The following ABCC11 variants were observed in gnomAD, a reference collection of about 807,000 sequenced individuals.
The protein encoded by ABCC11 is ATP-binding cassette sub-family C member 11.
In ABCC11, 135 loss-of-function variants were observed where a neutral mutation model predicts 149.3. The ratio of observed to expected loss-of-function variants is 0.90; its 90% confidence interval spans 0.79 to 1.04. The LOEUF is 1.04. Among genes scored for constraint, ABCC11 ranks in the 50% least tolerant of loss-of-function variants. The pLI, the probability that ABCC11 is intolerant of heterozygous loss-of-function variation, is 0.00. For synonymous variants in ABCC11, 665 were observed against 671.4 expected (o/e 0.99, Z 0.15); for missense variants, 1,680 against 1,722.1 (o/e 0.98, Z 0.43).
intron 2 of ABCC11, among the ~76,000 whole-genome samples, chr16:48,231,292 G>A (rs1970400524): frequency 1.3e-5 from 2 of 152,204 alleles, no homozygotes; most frequent in Non-Finnish European, 1.5e-5. Context: ...TATGCATAGA[G>A]ATATGCATAA....
At chr16:48,238,603 CA>C (rs111614375) in intron 1 of ABCC11, among the ~76,000 whole-genome samples, 19,776 of 145,862 alleles carry the variant, frequency 0.14, 1,601 homozygotes, top group African/African-American at 0.24. Context: ...ACAATTCAAG[CA>C]AAAAAAAACA....
At chr16:48,194,092 C>T (rs1437288121) in intron 18 of ABCC11, 110 bp from the exon 19 acceptor site, 1 of 741,464 alleles carries the variant, frequency 1.3e-6, no homozygotes, top group Non-Finnish European at 2.3e-6. Flanking sequence ...CCCTTGAGCC[C>T]CACCCAATGT....
intron 5 of ABCC11, chr16:48,223,449 G>A (rs1340369297): frequency 6.5e-6 from 1 of 154,748 alleles, no homozygotes; most frequent in Non-Finnish European, 1.4e-5. Flanking sequence ...TAGGGGCACA[G>A]GGCAGGATGG....
intron 24 of ABCC11, among the ~76,000 whole-genome samples, chr16:48,177,375 G>T (rs529830356): frequency 1.3e-5 from 2 of 152,362 alleles, no homozygotes; most frequent in South Asian, 2.1e-4. Context: ...CTGATTTACT[G>T]TGTGACTTTA....
intron 17 of ABCC11, among the ~76,000 whole-genome samples, 178 bp from the exon 18 acceptor site, chr16:48,196,499 A>G (rs1183482885): frequency 1.3e-5 from 2 of 152,178 alleles, no homozygotes; most frequent in Non-Finnish European, 2.9e-5. Flanking sequence ...TGGGCTCCAG[A>G]GCCTGGAAAG....
intron 1 of ABCC11, chr16:48,244,234 C>G (rs1971194247): frequency 1.7e-6 from 1 of 572,942 alleles, no homozygotes; most frequent in South Asian, 2.2e-5. Flanking sequence ...GAGAGCAGCG[C>G]GAAGCCATGG....
chr16:48,197,711 A>G (rs991795852), intron 17 of ABCC11, among the ~76,000 whole-genome samples: 2 of 152,008 alleles, frequency 1.3e-5, no homozygotes, highest in African/African-American at 4.8e-5. Context: ...AGCCAAAGGT[A>G]CCCCCTATCC....
At chr16:48,193,474 G>C (rs981361690) in intron 19 of ABCC11, among the ~76,000 whole-genome samples, 2 of 152,130 alleles carry the variant, frequency 1.3e-5, no homozygotes, top group Non-Finnish European at 2.9e-5. Flanking sequence ...AATGTGGGTG[G>C]GGAGATTAGT....
At chr16:48,202,359 G>A (rs1006934193) in intron 14 of ABCC11, among the ~76,000 whole-genome samples, 7 of 152,062 alleles carry the variant, frequency 4.6e-5, no homozygotes, top group East Asian at 1.9e-4. Flanking sequence ...GCCTGTAATC[G>A]CAGCACTTTG....
rs1368874366 is a variant in ABCC11, at chr16:48,224,310, C to A, written c.515G>T (p.Cys172Phe). 1.9e-6 allele frequency: 3 copies of A among 1,614,048 alleles called. No homozygotes were observed. In the African/African-American group the frequency reaches 4.0e-5, roughly 22 times the overall value. ...RLIFDALLGI[C>F]FCIASVLGPI... ...CCCGAGTACACTGGCAATGCAGAAG[C>A]AGATGCCCAGAAGTGCATCGAAAAT... Residue 172 changes from cysteine (C) to phenylalanine (F), a missense_variant, in exon 5 of 30, where the codon TGC becomes TTC. Physicochemically the swap from Cys to Phe is radical, Grantham distance 205 (BLOSUM62 -2). Coordinates refer to ENST00000356608, the MANE Select transcript of ABCC11 (RefSeq NM_001370497.1).
intron 23 of ABCC11, 138 bp downstream of exon 23, chr16:48,184,302 G>T: frequency 4.7e-6 from 5 of 1,057,054 alleles, no homozygotes; most frequent in Non-Finnish European, 6.7e-6. Context: ...AGAAGGCCAA[G>T]CACATAGCTC....
intron 28 of ABCC11, among the ~76,000 whole-genome samples, chr16:48,168,859 G>T (rs1965506982): frequency 6.6e-6 from 1 of 152,130 alleles, no homozygotes; most frequent in African/African-American, 2.4e-5. Flanking sequence ...ATGGACACAG[G>T]GAGGGGAACA....
chr16:48,227,935 G>C lies in ABCC11; in HGVS notation c.266C>G (p.Ala89Gly), dbSNP rs1189458524. 14 of 1,613,794 alleles carry C rather than the reference G, an allele frequency of 8.7e-6. No homozygotes were observed. Among genetic ancestry groups the C allele is most frequent in the Non-Finnish European group, 1.1e-5 (13 of 1,179,930 alleles). The change falls in exon 4 of 30, where the codon GCT becomes GGT. Residue 89 changes from alanine (A) to glycine (G), a missense_variant. By Grantham distance (60) the Ala-to-Gly change is moderately conservative (BLOSUM62 0). Transcript: ENST00000356608. ...RFPAPQPLDN[A>G]GLFSYLTVSW... ...CACGGTGAGGTAGGAGAACAGGCCA[G>C]CATTGTCCAGGGGCTGGGGGGCAGG...
chr16:48,216,671 A>T (rs189962142), intron 6 of ABCC11, among the ~76,000 whole-genome samples: 22 of 152,358 alleles, frequency 1.4e-4, no homozygotes, highest in Admixed American at 3.9e-4. Flanking sequence ...TAAAGAAACC[A>T]GTAACTAACA....
chr16:48,171,244 G>T (rs543320414), intron 26 of ABCC11, among the ~76,000 whole-genome samples: 1 of 152,324 alleles, frequency 6.6e-6, no homozygotes, highest in South Asian at 2.1e-4. Flanking sequence ...GGAGCAAAGG[G>T]CTCAAGGATA....
chr16:48,239,146 A>G (rs2150936564), intron 1 of ABCC11, among the ~76,000 whole-genome samples: 1 of 152,270 alleles, frequency 6.6e-6, no homozygotes, highest in Non-Finnish European at 1.5e-5. Context: ...AGGATTCCCA[A>G]TTTAATAAAT....
In ABCC11 at chr16:48,230,425, A is replaced by G. The variant is rs201926817; in HGVS notation, c.236+12T>C. 274 of 1,596,004 alleles carry G rather than the reference A, an allele frequency of 1.7e-4. No homozygotes were observed. The highest frequency in any genetic ancestry group is 2.3e-4 in the Non-Finnish European group (270 of 1,171,530). ...GATACAGCTCTCTCCCACCACCCCCATCAGGACTCACCTCGGCTTGGGACG... is the reference window on the plus strand; with the variant it reads ...GATACAGCTCTCTCCCACCACCCCCGTCAGGACTCACCTCGGCTTGGGACG... On this transcript the variant is annotated intron_variant, in intron 3 of 29. Coordinates refer to ENST00000356608, the MANE Select transcript of ABCC11 (RefSeq NM_001370497.1).
At chr16:48,238,197 A>T (rs1970778732) in intron 1 of ABCC11, among the ~76,000 whole-genome samples, 1 of 152,250 alleles carries the variant, frequency 6.6e-6, no homozygotes, top group Admixed American at 6.5e-5. Context: ...ATCCTGTCAG[A>T]CAAAGAGCTT....
chr16:48,229,802 A>G (rs1315634696), intron 3 of ABCC11, among the ~76,000 whole-genome samples: 1 of 152,060 alleles, frequency 6.6e-6, no homozygotes, highest in Non-Finnish European at 1.5e-5. Context: ...AACCTGTCTG[A>G]TCCGCTTGCC....
Sources: allele counts gnomAD v4.1 joint callset (sites outside exome capture counted in the v4.1 genomes callset), GRCh38; gene constraint gnomAD v4.1.1; transcripts MANE v1.5; gene names NCBI Gene and HGNC (gene_info 2026-07-23, HGNC 2026-07-21).